Variants in CNOT10 observed in about 807,000 individuals in gnomAD.
The protein encoded by CNOT10 is CCR4-NOT transcription complex, subunit 10.
CNOT10 carries 30 observed loss-of-function variants against 94.6 expected under a neutral mutation model. The observed-to-expected ratio is 0.32, with a 90% CI of 0.24 to 0.43. CNOT10 has a LOEUF of 0.43. Among genes scored for constraint, CNOT10 ranks in the 20% least tolerant of loss-of-function variants. The pLI is 1.00. For missense variants in CNOT10, 759 were observed against 877.2 expected (o/e 0.87, Z 1.70); for synonymous variants, 289 against 301.6 (o/e 0.96, Z 0.43).
At chr3:32,706,973 A>G (rs1399931980) in intron 3 of CNOT10, among the ~76,000 whole-genome samples, 1 of 152,246 alleles carries the variant, frequency 6.6e-6, no homozygotes, top group African/African-American at 2.4e-5. Flanking sequence ...TACAAAATTT[A>G]CAATTCATTG....
chr3:32,702,380 T>C (rs1697393327), intron 1 of CNOT10, among the ~76,000 whole-genome samples: 1 of 152,232 alleles, frequency 6.6e-6, no homozygotes, highest in South Asian at 2.1e-4. Context: ...TATTTTGGAA[T>C]TCTATTTTCA....
Position 32,685,356 on chromosome 3 carries a change from G to A in CNOT10, c.-105G>A. 1.5e-6 allele frequency: 2 copies of A among 1,379,274 alleles called. No homozygotes were observed. The highest frequency in any genetic ancestry group is 2.0e-6 in the Non-Finnish European group (2 of 994,882). The allele number at this position is 1,379,274 out of a possible 1,614,324, so 85.4% of individuals were successfully genotyped here. ...GCCGGAACCTGGGGGCCCGGAGCCGGGGTAGGCACAGAGTTGTCCTCGGAG... is the reference window on the plus strand; with the variant it reads ...GCCGGAACCTGGGGGCCCGGAGCCGAGGTAGGCACAGAGTTGTCCTCGGAG... On this transcript the variant is annotated 5_prime_UTR_variant, in exon 1 of 19. Coordinates refer to ENST00000328834, the MANE Select transcript of CNOT10 (RefSeq NM_015442.3).
In CNOT10 at chr3:32,746,603, G is replaced by A. The variant is rs531866769; in HGVS notation, c.1595+9113G>A. Among the ~76,000 whole-genome samples, 8 of 152,034 alleles carry A rather than the reference G, an allele frequency of 5.3e-5. No homozygotes were observed. In the East Asian group the frequency reaches 1.2e-3, roughly 22 times the overall value. On this transcript the variant is annotated intron_variant, in intron 13 of 18. Coordinates refer to ENST00000328834, the MANE Select transcript of CNOT10 (RefSeq NM_015442.3). ...TGTAATCCCAGCACTTTGGGAGGCC[G>A]AGGTGGGCAGATCATGAGGTCAGGA...
At position 32,764,780 on chromosome 3, in the gene CNOT10, T is replaced by C; in HGVS notation, c.1975T>C (p.Tyr659His). Residue 659 changes from tyrosine to histidine, a missense_variant, in exon 17 of 19, where the codon TAT becomes CAT. Physicochemically the swap from Tyr to His is moderately conservative, Grantham distance 83. Coordinates refer to ENST00000328834, the MANE Select transcript of CNOT10 (RefSeq NM_015442.3). ...LGSAYCLRSE[Y>H]DKARKCLHQA... The stretch of plus-strand genomic sequence containing the variant: ...CAGCGCTTACTGCCTGAGGAGCGAA[T>C]ATGACAAAGCCCGAAAGTGTCTCCA... 6.2e-7 allele frequency: 1 copy of C among 1,614,150 alleles called. No homozygotes were observed. The highest frequency in any genetic ancestry group is 8.5e-7 in the Non-Finnish European group (1 of 1,180,014).
chr3:32,713,064 A>G (rs1697960153), intron 4 of CNOT10, among the ~76,000 whole-genome samples, 163 bp from the exon 5 acceptor site: 1 of 152,238 alleles, frequency 6.6e-6, no homozygotes, highest in South Asian at 2.1e-4. Flanking sequence ...CATTGTTGGC[A>G]TTGCAAGTTG....
At chr3:32,753,953 T>A in intron 13 of CNOT10, 1 of 925,250 alleles carries the variant, frequency 1.1e-6, no homozygotes. Flanking sequence ...AAAAATTAGC[T>A]GGGCATGGAG....
chr3:32,703,131 A>G (rs944367842), intron 1 of CNOT10, among the ~76,000 whole-genome samples: 17 of 119,010 alleles, frequency 1.4e-4, no homozygotes, highest in East Asian at 2.4e-4. Context: ...TCACCGTGTT[A>G]GCCAGGATGG....
chr3:32,702,833 A>G (rs1040654948), intron 1 of CNOT10, among the ~76,000 whole-genome samples: 2 of 151,830 alleles, frequency 1.3e-5, no homozygotes, highest in African/African-American at 4.8e-5. Flanking sequence ...TTGTGTTTCA[A>G]CTTGGCCATA....
At chr3:32,731,639 C>T (rs930083982) in intron 10 of CNOT10, among the ~76,000 whole-genome samples, 7 of 152,200 alleles carry the variant, frequency 4.6e-5, no homozygotes, top group Non-Finnish European at 8.8e-5. Context: ...CCGCACTTGG[C>T]TAATTTTTGT....
chr3:32,707,220 C>T (rs1444443395), intron 3 of CNOT10, among the ~76,000 whole-genome samples: 2 of 151,754 alleles, frequency 1.3e-5, no homozygotes, highest in Non-Finnish European at 2.9e-5. Flanking sequence ...ATTTAAAAGC[C>T]CATTGCTACA....
At chr3:32,687,285 C>T (rs1696640990) in intron 1 of CNOT10, among the ~76,000 whole-genome samples, 1 of 151,672 alleles carries the variant, frequency 6.6e-6, no homozygotes, top group Admixed American at 6.6e-5. Flanking sequence ...TCCTCACTGT[C>T]GCCCCCCGCT....
At chr3:32,731,445 A>G (rs894543966) in intron 10 of CNOT10, among the ~76,000 whole-genome samples, 1 of 152,146 alleles carries the variant, frequency 6.6e-6, no homozygotes, top group Non-Finnish European at 1.5e-5. Flanking sequence ...ACTACTTGGG[A>G]TTCCACCTGC....
rs776809482 is a variant in CNOT10, at chr3:32,703,978, T to C, written c.117+16T>C. 3 of 1,524,916 alleles carry C rather than the reference T, an allele frequency of 2.0e-6. No individual in the cohort carries two copies. The highest frequency in any genetic ancestry group is 2.7e-6 in the Non-Finnish European group (3 of 1,099,946). The allele number at this position is 1,524,916 out of a possible 1,614,324, so 94.5% of individuals were successfully genotyped here. ...AGCTTTCACAGTAAGAAATGGCTTC[T>C]CTTAGTCTGCTCAAGTTGTAGGGTT... On this transcript the variant is annotated intron_variant, in intron 2 of 18. Transcript: ENST00000328834.
Position 32,737,392 on chromosome 3 carries a change from C to T in CNOT10, c.1515-18C>T. ...TATTTGTTGCTCTTCATAATTAAGA[C>T]TCTTACCTCTATTTTAGCAGTAAAA... On this transcript the variant is annotated intron_variant, in intron 12 of 18. Coordinates refer to ENST00000328834, the MANE Select transcript of CNOT10 (RefSeq NM_015442.3). The T allele has an allele frequency of 6.5e-7, 1 of 1,546,582 alleles. No individual in the cohort carries two copies. The highest frequency in any genetic ancestry group is 8.9e-7 in the Non-Finnish European group (1 of 1,122,800).
At chr3:32,709,311 A>G (rs959137036) in intron 4 of CNOT10, among the ~76,000 whole-genome samples, 9 of 152,232 alleles carry the variant, frequency 5.9e-5, no homozygotes, top group African/African-American at 2.2e-4. Flanking sequence ...AGGGCAAAGG[A>G]AAAAAGAAGA....
At chr3:32,689,592 T>C (rs1696768085) in intron 1 of CNOT10, among the ~76,000 whole-genome samples, 1 of 152,036 alleles carries the variant, frequency 6.6e-6, no homozygotes, top group South Asian at 2.1e-4. Flanking sequence ...GAATACAAGC[T>C]CCCCGAAGAT....
intron 13 of CNOT10, among the ~76,000 whole-genome samples, chr3:32,741,333 C>T (rs1226327605): frequency 4.1e-3 from 1 of 244 alleles, no homozygotes; most frequent in African/African-American, 0.017. Flanking sequence ...GGACATCTAG[C>T]TTTATTCCAT....
At chr3:32,730,027 C>T (rs1168637586) in intron 10 of CNOT10, among the ~76,000 whole-genome samples, 8 of 151,934 alleles carry the variant, frequency 5.3e-5, no homozygotes, top group Non-Finnish European at 1.0e-4. Context: ...CTCGGCCTCC[C>T]AAAGTGCTGG....
intron 13 of CNOT10, among the ~76,000 whole-genome samples, chr3:32,750,603 A>G (rs1390996932): frequency 2.0e-5 from 3 of 151,420 alleles, no homozygotes; most frequent in Non-Finnish European, 4.4e-5. Flanking sequence ...CCCAGGCTGG[A>G]GTGCACTGGC....
Sources: gnomAD v4.1 joint callset for allele counts (sites outside exome capture counted in the v4.1 genomes callset) on GRCh38, gnomAD v4.1.1 for gene constraint, MANE v1.5 for transcripts, NCBI Gene and HGNC (gene_info 2026-07-23, HGNC 2026-07-21) for gene names.